Variants in KANSL1L observed in about 807,000 individuals in gnomAD.
KANSL1L encodes the protein KAT8 regulatory NSL complex subunit 1-like protein.
KANSL1L carries 25 observed loss-of-function variants against 108.6 expected under a neutral mutation model. The ratio of observed to expected loss-of-function variants is 0.23; its 90% CI spans 0.17 to 0.32. KANSL1L has a LOEUF of 0.32. Among genes scored for constraint, KANSL1L ranks in the 10% least tolerant of loss-of-function variants. KANSL1L has a pLI of 1.00. For synonymous variants in KANSL1L, 405 were observed against 395.1 expected (o/e 1.03, Z -0.30); for missense variants, 1,137 against 1,125.7 (o/e 1.01, Z -0.14).
At chr2:210,168,440 G>A (rs1184814353) in intron 1 of KANSL1L, among the ~76,000 whole-genome samples, 1 of 152,002 alleles carries the variant, frequency 6.6e-6, no homozygotes, top group Non-Finnish European at 1.5e-5. Context: ...GATCCTATAG[G>A]CAATAAGAAG....
intron 3 of KANSL1L, among the ~76,000 whole-genome samples, chr2:210,111,017 C>T (rs772885463): frequency 1.3e-5 from 2 of 151,962 alleles, no homozygotes; most frequent in East Asian, 1.9e-4. Flanking sequence ...GAAGCTGAGG[C>T]GGGAGGATCG....
intron 5 of KANSL1L, among the ~76,000 whole-genome samples, chr2:210,086,349 A>G (rs936694539): frequency 6.6e-6 from 1 of 152,126 alleles, no homozygotes; most frequent in African/African-American, 2.4e-5. Context: ...TTTTATCTTC[A>G]TTTTAGAGTA....
chr2:210,089,986 T>G (rs1251628172), intron 5 of KANSL1L, among the ~76,000 whole-genome samples: 2 of 152,204 alleles, frequency 1.3e-5, no homozygotes, highest in Non-Finnish European at 2.9e-5. Flanking sequence ...TACCTACAAA[T>G]GCCCTCAAAT....
chr2:210,086,130 G>C (rs1045875517), intron 5 of KANSL1L, among the ~76,000 whole-genome samples: 1 of 151,846 alleles, frequency 6.6e-6, no homozygotes, highest in Admixed American at 6.6e-5. Context: ...ATTAAGAAAG[G>C]ATAGTTGCAT....
intron 8 of KANSL1L, among the ~76,000 whole-genome samples, chr2:210,036,072 A>C (rs2094099116): frequency 6.6e-6 from 1 of 152,196 alleles, no homozygotes; most frequent in Non-Finnish European, 1.5e-5. Context: ...TCGAAGCTGC[A>C]CTTAGGCATC....
intron 2 of KANSL1L, 88 bp from the exon 3 acceptor site, chr2:210,129,260 T>C: frequency 1.8e-6 from 2 of 1,133,844 alleles, no homozygotes; most frequent in Non-Finnish European, 2.4e-6. Context: ...ACTCCCATCA[T>C]AAAAGCAAAT....
chr2:210,047,575 C>A (rs1028520148), intron 6 of KANSL1L, among the ~76,000 whole-genome samples: 2 of 152,192 alleles, frequency 1.3e-5, no homozygotes, highest in African/African-American at 4.8e-5. Context: ...TCTACTAACA[C>A]TCTGTTCAGG....
upstream of KANSL1L, among the ~76,000 whole-genome samples, chr2:210,172,690 T>C (rs1688395639): frequency 2.0e-5 from 3 of 152,352 alleles, no homozygotes; most frequent in African/African-American, 7.2e-5. Context: ...CAGTAAGTAT[T>C]TATTGGATAT....
intron 2 of KANSL1L, among the ~76,000 whole-genome samples, chr2:210,137,412 C>T (rs1432116408): frequency 6.6e-6 from 1 of 152,212 alleles, no homozygotes; most frequent in Non-Finnish European, 1.5e-5. Flanking sequence ...AAACAACCCA[C>T]ATTGTGGATA....
At chr2:210,095,347 TCTTA>T (rs990785906) in intron 5 of KANSL1L, among the ~76,000 whole-genome samples, 4 of 152,070 alleles carry the variant, frequency 2.6e-5, no homozygotes, top group South Asian at 2.1e-4. Flanking sequence ...TCTCCAATTC[TCTTA>T]CTAATTCACT....
chr2:210,107,464 C>T (rs767642738), intron 3 of KANSL1L, among the ~76,000 whole-genome samples: 5 of 149,960 alleles, frequency 3.3e-5, no homozygotes, highest in Non-Finnish European at 7.4e-5. Flanking sequence ...ACAAAGCTGT[C>T]GCAAGAACCA....
At chr2:210,075,864 G>A in intron 5 of KANSL1L, 108 bp from the exon 6 acceptor site, 1 of 752,464 alleles carries the variant, frequency 1.3e-6, no homozygotes, top group Non-Finnish European at 2.1e-6. Context: ...TATTATGACA[G>A]AAAAGTATTA....
intron 6 of KANSL1L, among the ~76,000 whole-genome samples, chr2:210,045,012 A>G (rs962955605): frequency 6.6e-6 from 1 of 152,072 alleles, no homozygotes; most frequent in Non-Finnish European, 1.5e-5. Flanking sequence ...CAAGTGATTC[A>G]GCCTGCCTCC....
intron 1 of KANSL1L, among the ~76,000 whole-genome samples, chr2:210,162,756 T>C (rs2095368866): frequency 6.6e-6 from 1 of 152,070 alleles, no homozygotes; most frequent in Non-Finnish European, 1.5e-5. Flanking sequence ...CAGAAGTGTA[T>C]GAAATCAAGA....
chr2:210,091,568 A>G (rs2125386150), intron 5 of KANSL1L, among the ~76,000 whole-genome samples: 1 of 152,286 alleles, frequency 6.6e-6, no homozygotes, highest in African/African-American at 2.4e-5. Flanking sequence ...AAGCTCTTCT[A>G]TTATACTTAA....
At chr2:210,102,283 A>G (rs1373093196) in intron 4 of KANSL1L, among the ~76,000 whole-genome samples, 1 of 152,116 alleles carries the variant, frequency 6.6e-6, no homozygotes, top group Non-Finnish European at 1.5e-5. Flanking sequence ...TGGTAACTGG[A>G]TCCCTTCCTT....
chr2:210,160,167 G>A (rs2095354463), intron 1 of KANSL1L, among the ~76,000 whole-genome samples: 1 of 152,158 alleles, frequency 6.6e-6, no homozygotes, highest in African/African-American at 2.4e-5. Context: ...AGCAAATTAG[G>A]AAGGAGAGGG....
chr2:210,120,172 C>A (rs960644309), intron 3 of KANSL1L, among the ~76,000 whole-genome samples: 1 of 152,072 alleles, frequency 6.6e-6, no homozygotes, highest in African/African-American at 2.4e-5. Flanking sequence ...GGTGGACTGC[C>A]TCAGCTCAGG....
At chr2:210,029,172 A>G (rs540060360) in intron 10 of KANSL1L, 13 of 503,044 alleles carry the variant, frequency 2.6e-5, no homozygotes, top group Non-Finnish European at 4.1e-5. Context: ...ATCTCTTGGT[A>G]GATGTGTAAT....
Sources: gnomAD v4.1 joint callset for allele counts (sites outside exome capture counted in the v4.1 genomes callset) on GRCh38, gnomAD v4.1.1 for gene constraint, MANE v1.5 for transcripts, NCBI Gene and HGNC (gene_info 2026-07-23, HGNC 2026-07-21) for gene names.